TP53BP1: variants seen among roughly 807,000 people sequenced by gnomAD.
The protein encoded by TP53BP1 is TP53-binding protein 1.
TP53BP1 carries 61 observed loss-of-function variants against 200.8 expected under a neutral mutation model. The ratio of observed to expected loss-of-function variants is 0.30; its 90% CI spans 0.25 to 0.38. The LOEUF (loss-of-function observed/expected upper bound fraction) is 0.38. Among genes scored for constraint, TP53BP1 ranks in the 10% least tolerant of loss-of-function variants. TP53BP1 has a pLI of 1.00. For missense variants in TP53BP1, 2,144 were observed against 2,371.9 expected, an observed-to-expected ratio of 0.90 and a Z score of 2.00; for synonymous variants, 822 against 844.3, an observed-to-expected ratio of 0.97 and a Z score of 0.46.
At chr15:43,417,706 A>C (rs2045300069) in intron 21 of TP53BP1, among the ~76,000 whole-genome samples, 1 of 152,202 alleles carries the variant, frequency 6.6e-6, no homozygotes, top group Non-Finnish European at 1.5e-5. Flanking sequence ...ATACATACAA[A>C]CTATGAGTCA....
intron 27 of TP53BP1, 62 bp downstream of exon 27, chr15:43,407,881 T>TAACA (rs935157974): frequency 1.2e-5 from 18 of 1,527,016 alleles, no homozygotes; most frequent in Middle Eastern, 3.5e-4. Flanking sequence ...CCACAAGGCC[T>TAACA]AACACCTACA....
chr15:43,469,836 C>G, intron 11 of TP53BP1, 22 bp downstream of exon 11: 1 of 1,585,920 alleles, frequency 6.3e-7, no homozygotes, highest in Non-Finnish European at 8.6e-7. Flanking sequence ...TTAGGAGAAA[C>G]AACTCTTTTT....
rs1418052588 is a variant in TP53BP1, at chr15:43,479,937, C to T, written c.580G>A (p.Glu194Lys). 1.9e-6 allele frequency: 3 copies of T among 1,614,034 alleles called. No homozygotes were observed. In the African/African-American group the frequency reaches 4.0e-5, roughly 22 times the overall value. ...QDVEENTVPY[E>K]VDKEQLQSVT... ...GATTGTAGCTGCTCTTTGTCCACTT[C>T]ATATGGCACAGTATTTTCCTCAACA... is the stretch of plus-strand genomic sequence containing the variant. Residue 194 changes from glutamate to lysine, a missense_variant, in exon 6 of 28, where the codon GAA (glutamate) becomes AAA (lysine). By Grantham distance (56) the Glu-to-Lys change is moderately conservative. Around this residue, in one of 4 missense-constraint regions of TP53BP1, gnomAD observed 1,700 missense variants for 1,710.3 expected, o/e 0.99. Transcript: ENST00000382044.
intron 21 of TP53BP1, 36 bp from the exon 22 acceptor site, chr15:43,416,452 G>A: frequency 6.2e-7 from 1 of 1,600,006 alleles, no homozygotes; most frequent in Non-Finnish European, 8.5e-7. Context: ...GCTTGCTGTT[G>A]TCTTAGGCTC....
chr15:43,413,355 G>A (rs1281138596), intron 23 of TP53BP1, 21 bp from the exon 24 acceptor site: 3 of 1,600,256 alleles, frequency 1.9e-6, no homozygotes, highest in Non-Finnish European at 2.6e-6. Flanking sequence ...CAGGGGCACA[G>A]TTACTAGAGG....
chr15:43,461,009 GAAA>G (rs766488888), intron 11 of TP53BP1, among the ~76,000 whole-genome samples: 1 of 116,114 alleles, frequency 8.6e-6, no homozygotes, highest in Non-Finnish European at 1.9e-5. Flanking sequence ...GCCTCAAAAG[GAAA>G]AAAAAAAAAA....
intron 19 of TP53BP1, chr15:43,421,629 ATT>A: frequency 1.6e-6 from 1 of 622,356 alleles, no homozygotes; most frequent in Non-Finnish European, 2.7e-6. Context: ...TGTTACCTAC[ATT>A]TTCTCAGGGG....
rs892322762 is a variant in TP53BP1, at chr15:43,406,598, C to G, written c.*785G>C. 2.2e-6 allele frequency: 1 copy of G among 455,948 alleles called. No individual in the cohort carries two copies. The highest frequency in any genetic ancestry group is 1.5e-5 in the South Asian group (1 of 64,552). The allele number at this position is 455,948 out of a possible 1,614,324, so 28.2% of individuals were successfully genotyped here. ...GAAATATTTACTCTTTGACCCTTTA[C>G]AGAAAAAAACCTTGTTGACCCCTGC... On this transcript the variant is annotated 3_prime_UTR_variant, in exon 28 of 28. Coordinates refer to ENST00000382044, the MANE Select transcript of TP53BP1 (RefSeq NM_001141980.3).
At chr15:43,409,596 G>A (rs1399100000) in intron 25 of TP53BP1, 51 bp downstream of exon 25, 6 of 1,025,990 alleles carry the variant, frequency 5.8e-6, no homozygotes, top group South Asian at 5.4e-5. Context: ...AACACAGCAA[G>A]TTGGCTCTTA....
chr15:43,497,761 A>G (rs559804788), upstream of TP53BP1, among the ~76,000 whole-genome samples: 1 of 152,342 alleles, frequency 6.6e-6, no homozygotes, highest in South Asian at 2.1e-4. Context: ...AATGATTTAC[A>G]TAGCTTCAGT....
intron 17 of TP53BP1, among the ~76,000 whole-genome samples, chr15:43,428,835 C>T (rs1250377753): frequency 6.6e-6 from 1 of 151,790 alleles, no homozygotes; most frequent in Admixed American, 6.6e-5. Flanking sequence ...TAAATAAGAC[C>T]CTACTTTTTA....
At chr15:43,493,315 G>A, upstream of TP53BP1, 1 of 1,081,388 alleles carries the variant, frequency 9.2e-7, no homozygotes, top group Non-Finnish European at 1.3e-6. Context: ...CATGGACGTT[G>A]CAGGCCCTCC....
intron 4 of TP53BP1, among the ~76,000 whole-genome samples, chr15:43,485,983 G>A (rs1244000305): frequency 6.6e-6 from 1 of 152,144 alleles, no homozygotes; most frequent in African/African-American, 2.4e-5. Flanking sequence ...TTGATGGAAA[G>A]AGAAAACAAA....
At chr15:43,447,878 C>A (rs2046079753) in intron 12 of TP53BP1, among the ~76,000 whole-genome samples, 1 of 152,184 alleles carries the variant, frequency 6.6e-6, no homozygotes, top group Non-Finnish European at 1.5e-5. Flanking sequence ...TAATTTTGTG[C>A]AATGCTAACC....
chr15:43,493,283 C>T, upstream of TP53BP1: 1 of 1,351,416 alleles, frequency 7.4e-7, no homozygotes, highest in Non-Finnish European at 9.7e-7. Context: ...AAAAGGAACA[C>T]GGCGGCGCGT....
chr15:43,498,833 T>G (rs903946485), intron 1 of TP53BP1, among the ~76,000 whole-genome samples: 4 of 152,076 alleles, frequency 2.6e-5, no homozygotes, highest in African/African-American at 9.7e-5. Context: ...TACCAAATTA[T>G]CCAAGATTGG....
intron 4 of TP53BP1, among the ~76,000 whole-genome samples, chr15:43,481,370 G>T (rs750160530): frequency 1.8e-4 from 27 of 151,522 alleles, no homozygotes; most frequent in Admixed American, 4.6e-4. Flanking sequence ...AAAGTTCACA[G>T]AAGTATTTTA....
intron 21 of TP53BP1, among the ~76,000 whole-genome samples, chr15:43,419,495 G>C (rs1162259217): frequency 6.9e-6 from 1 of 144,420 alleles, no homozygotes; most frequent in Non-Finnish European, 1.5e-5. Flanking sequence ...GAGTAGCTAC[G>C]ACAACAAGCA....
At position 43,491,659 on chromosome 15, in the gene TP53BP1, C is replaced by CACTGTAT. The variant is rs1296273321; in HGVS notation, c.371+3_371+9dup. 1 of 1,603,352 alleles carries CACTGTAT rather than the reference C, an allele frequency of 6.2e-7. No homozygotes were observed. The highest frequency in any genetic ancestry group is 2.2e-5 in the East Asian group (1 of 44,832). On this transcript the variant is annotated intron_variant, in intron 4 of 27. Transcript: ENST00000382044. ...ATACATTTAAATAAACCCCTTCAAACACTGTATACCTGCTTGTCCTGTTTG... is the reference window on the plus strand; with the variant it reads ...ATACATTTAAATAAACCCCTTCAAACACTGTATACTGTATACCTGCTTGTCCTGTTTG...
Sources: gnomAD v4.1 joint callset for allele counts (sites outside exome capture counted in the v4.1 genomes callset) on GRCh38, gnomAD v4.1.1 for gene constraint, gnomAD v4.1.1 regional missense constraint, MANE v1.5 for transcripts, NCBI Gene and HGNC (gene_info 2026-07-23, HGNC 2026-07-21) for gene names.